The following BCAN variants were observed in gnomAD, a reference collection of about 807,000 sequenced individuals.
BCAN encodes brevican.
A neutral mutation model predicts 92.4 loss-of-function variants in BCAN; 51 were observed. The ratio of observed to expected loss-of-function variants is 0.55; its 90% CI spans 0.44 to 0.70. The LOEUF (loss-of-function observed/expected upper bound fraction) is 0.70, where lower values mean the gene tolerates loss of function less well. Ranked by LOEUF, BCAN falls within the 30% of genes least tolerant of loss-of-function variation. BCAN has a pLI of 0.00. For synonymous variants in BCAN, 501 were observed against 505.2 expected, an observed-to-expected ratio of 0.99 and a Z score of 0.11; for missense variants, 1,140 against 1,212.1, an observed-to-expected ratio of 0.94 and a Z score of 0.88.
At position 156,647,451 on chromosome 1, in the gene BCAN, A is replaced by G; in HGVS notation, c.467-57A>G. On this transcript the variant is annotated intron_variant, in intron 3 of 13. Transcript: ENST00000329117. The surrounding 1 kb of genome is among the most constrained non-coding windows in gnomAD (Gnocchi z 4.8). ...GTACAGAGGAGTGACAAGGAGGGTG[A>G]GGGGAGGCCAGCGTGCTGGGTGCTC... The G allele has an allele frequency of 6.8e-7, 1 of 1,473,142 alleles. No homozygotes were observed. The highest frequency in any genetic ancestry group is 2.3e-5 in the Admixed American group (1 of 44,228). The allele number at this position is 1,473,142 out of a possible 1,614,324, so 91.3% of individuals were successfully genotyped here. A position where few individuals can be genotyped will look rare whatever the true frequency, so the allele number is the denominator to read the frequency against.
intron 10 of BCAN, chr1:156,657,333 C>T (rs1167425567): frequency 9.4e-6 from 6 of 636,884 alleles, no homozygotes; most frequent in Non-Finnish European, 1.5e-5. Context: ...CCTGTGTGGG[C>T]CGGGCCGCCG....
rs1679372333 is a variant in BCAN at position 156,657,408 on chromosome 1, C to A, written c.2210-267C>A. 7.2e-6 allele frequency: 4 copies of A among 553,686 alleles called. No individual in the cohort carries two copies. The South Asian group carries it at 1.0e-4, about 14-fold the overall frequency. The allele number at this position is 553,686 out of a possible 1,614,324, so 34.3% of individuals were successfully genotyped here. ...TCCGACCTCCGTCGGCCTCCTCCAACTCCAACTCCAATCTTGTTGAAAGTT... is the reference window on the plus strand; with the variant it reads ...TCCGACCTCCGTCGGCCTCCTCCAAATCCAACTCCAATCTTGTTGAAAGTT... On this transcript the variant is annotated intron_variant, in intron 10 of 13. Coordinates refer to ENST00000329117, the MANE Select transcript of BCAN (RefSeq NM_021948.5).
Position 156,657,665 on chromosome 1 carries a change from G to T in BCAN, c.2210-10G>T, listed in dbSNP as rs1348523136. On this transcript the variant is annotated splice_polypyrimidine_tract_variant and intron_variant, in intron 10 of 13. Coordinates refer to ENST00000329117, the MANE Select transcript of BCAN (RefSeq NM_021948.5). Reference sequence around the variant, plus strand: ...GCGGCTGCGCTCACTGCACGCCTTCGTCTCCCTAGACCGGTACCGGGAGTA... The same window carrying T: ...GCGGCTGCGCTCACTGCACGCCTTCTTCTCCCTAGACCGGTACCGGGAGTA... The T allele has an allele frequency of 6.3e-7, 1 of 1,599,922 alleles. No homozygotes were observed. The highest frequency in any genetic ancestry group is 2.3e-5 in the East Asian group (1 of 44,332).
Position 156,651,569 on chromosome 1 carries a change from C to T in BCAN, c.1177C>T (p.Pro393Ser). The change falls in exon 7 of 14, where the codon CCT becomes TCT. Residue 393 changes from proline to serine, a missense_variant. Physicochemically the swap from Pro to Ser is moderately conservative, Grantham distance 74. Coordinates refer to ENST00000329117, the MANE Select transcript of BCAN (RefSeq NM_021948.5). The stretch of plus-strand genomic sequence containing the variant: ...AGAGACCCTGGAGGAACTGCAGCTG[C>T]CTCAGGAAGCCACAGAGAGTGAATC... ...VTETLEELQL[P>S]QEATESESRG... is the part of the protein sequence containing the mutation. The T allele has an allele frequency of 6.2e-7, 1 of 1,613,964 alleles. No homozygotes were observed. Among genetic ancestry groups the T allele is most frequent in the Non-Finnish European group, 8.5e-7 (1 of 1,179,996 alleles).
At chr1:156,646,279 A>C in intron 2 of BCAN, 134 bp downstream of exon 2, 1 of 821,502 alleles carries the variant, frequency 1.2e-6, no homozygotes, top group East Asian at 2.7e-5. Flanking sequence ...ACTTGGAAAT[A>C]AGGGCTGAGC....
Position 156,642,225 on chromosome 1 carries a change from G to A in BCAN, c.-59G>A, listed in dbSNP as rs896733024. 5.3e-5 allele frequency: 8 copies of A among 152,334 alleles called. No homozygotes were observed. The highest frequency in any genetic ancestry group is 1.2e-4 in the Non-Finnish European group (8 of 68,136). 9.4% of individuals were successfully genotyped at this position (152,334 alleles called of 1,614,324 possible). On this transcript the variant is annotated 5_prime_UTR_variant, in exon 1 of 14. Transcript: ENST00000329117. The surrounding 1 kb of genome is among the most constrained non-coding windows in gnomAD (Gnocchi z 4.2). ...GCCGTGCACCCGGAGGAGACCCCCG[G>A]AGGAGGCGACAAACTTCGCAGTGCC...
intron 1 of BCAN, among the ~76,000 whole-genome samples, chr1:156,645,234 G>A (rs1406706692): frequency 6.6e-6 from 1 of 152,234 alleles, no homozygotes; most frequent in Non-Finnish European, 1.5e-5. Flanking sequence ...GGGGAAGGGA[G>A]GGGCTGGATA....
rs1019774632 is a variant in BCAN, at chr1:156,646,632, T to C, written c.92-169T>C. ...ACCGTCGGGGTGGTCCTGGAGGACC[T>C]AGAGGTAGGGCTGCAGGACCCTGGC... On this transcript the variant is annotated intron_variant, in intron 2 of 13. Transcript: ENST00000329117. The C allele has an allele frequency of 3.4e-6, 4 of 1,177,910 alleles. No homozygotes were observed. The African/African-American group carries it at 6.4e-5, about 19-fold the overall frequency. The allele number at this position is 1,177,910 out of a possible 1,614,324, so 73.0% of individuals were successfully genotyped here. A position where few individuals can be genotyped will look rare whatever the true frequency, so the allele number is the denominator to read the frequency against.
At position 156,642,353 on chromosome 1, in the gene BCAN, C is replaced by G. The variant is rs992460532; in HGVS notation, c.-9+78C>G. On this transcript the variant is annotated intron_variant, in intron 1 of 13. Coordinates refer to ENST00000329117, the MANE Select transcript of BCAN (RefSeq NM_021948.5). The surrounding 1 kb of genome is among the most constrained non-coding windows in gnomAD (Gnocchi z 4.2). The stretch of plus-strand genomic sequence containing the variant: ...GGGAGTGCCTGCCTGGTCTGCGCCC[C>G]CCGCCTGTCAGCCCTTGCCTCGAGG... 1.3e-5 allele frequency: 2 copies of G among 152,606 alleles called. No homozygotes were observed. The highest frequency in any genetic ancestry group is 4.8e-5 in the African/African-American group (2 of 41,436). The allele number at this position is 152,606 out of a possible 1,614,324, so 9.5% of individuals were successfully genotyped here.
rs1679223481 is a variant in BCAN at position 156,652,891 on chromosome 1, A to G, written c.1941A>G (p.Ser647=). The change falls in exon 8 of 14, where the codon TCA becomes TCG. Residue 647 remains serine (S), a splice_region_variant and synonymous_variant. Coordinates refer to ENST00000329117, the MANE Select transcript of BCAN (RefSeq NM_021948.5). ...GTGGAGTGGCCGTGGTCCCCGCATC[A>G]GGTAATTCTGCCCAAGGCTCAACTG... ...SRGGVAVVPA[S]GDCVPSPCHN... is the part of the protein sequence containing the mutation. 1 of 1,613,496 alleles carries G rather than the reference A, an allele frequency of 6.2e-7. No homozygotes were observed. The highest frequency in any genetic ancestry group is 2.2e-5 in the East Asian group (1 of 44,882).
chr1:156,653,841 A>C (rs919887345), intron 8 of BCAN, among the ~76,000 whole-genome samples: 15 of 152,000 alleles, frequency 9.9e-5, no homozygotes, highest in East Asian at 1.9e-4. Flanking sequence ...CCCGGAGTGC[A>C]TGTGTTGTGC....
At position 156,647,525 on chromosome 1, in the gene BCAN, C is replaced by G; in HGVS notation, c.484C>G (p.Arg162Gly). The change falls in exon 4 of 14, where the codon CGA becomes GGA. Residue 162 changes from arginine (R) to glycine (G), a missense_variant. Transcript: ENST00000329117. This position sits in a 1 kb window ranked among gnomAD's most constrained non-coding sequence, Gnocchi z 4.8. ...CCCCACAGGGGTCGTCTTTCTCTAC[C>G]GAGAGGGCTCTGCCCGCTATGCTTT... ...VKVKGVVFLYREGSARYAFSF... is the reference protein window; with the variant it reads ...VKVKGVVFLYGEGSARYAFSF... 6.3e-7 allele frequency: 1 copy of G among 1,577,280 alleles called. No homozygotes were observed. The highest frequency in any genetic ancestry group is 8.6e-7 in the Non-Finnish European group (1 of 1,164,450).
chr1:156,652,095 A>G (rs1370917644), intron 7 of BCAN, among the ~76,000 whole-genome samples, 153 bp from the exon 8 acceptor site: 1 of 152,148 alleles, frequency 6.6e-6, no homozygotes, highest in Non-Finnish European at 1.5e-5. Flanking sequence ...AAGTTCTTCC[A>G]GTGTGGCGCA....
chr1:156,657,236 C>A (rs1679365664), intron 10 of BCAN, 140 bp downstream of exon 10: 2 of 1,109,646 alleles, frequency 1.8e-6, no homozygotes, highest in Admixed American at 2.6e-5. Flanking sequence ...TTCGTTCACT[C>A]CCCTTCTCAT....
Position 156,642,589 on chromosome 1 carries a change from G to T in BCAN, c.-9+314G>T, listed in dbSNP as rs1326112396. On this transcript the variant is annotated intron_variant, in intron 1 of 13. Transcript: ENST00000329117. This position sits in a 1 kb window ranked among gnomAD's most constrained non-coding sequence, Gnocchi z 4.2. The stretch of plus-strand genomic sequence containing the variant: ...GCTCCTGTCCCAGCGCGGCCGCCGA[G>T]ATTTCCGACCTTGTCCCAGGCAGGG... 1 of 152,396 alleles carries T rather than the reference G, an allele frequency of 6.6e-6. No individual in the cohort carries two copies. The highest frequency in any genetic ancestry group is 2.4e-5 in the African/African-American group (1 of 41,462). The allele number at this position is 152,396 out of a possible 1,614,324, so 9.4% of individuals were successfully genotyped here.
rs771790834 is a variant in BCAN, at chr1:156,657,730, C to G, written c.2265C>G (p.Asp755Glu). 6.2e-7 allele frequency: 1 copy of G among 1,612,698 alleles called. No homozygotes were observed. Among genetic ancestry groups the G allele is most frequent in the Non-Finnish European group, 8.5e-7 (1 of 1,179,458 alleles). The change falls in exon 11 of 14, where the codon GAC becomes GAG. Residue 755 changes from aspartate (D) to glutamate (E), a missense_variant. Coordinates refer to ENST00000329117, the MANE Select transcript of BCAN (RefSeq NM_021948.5). ...TCAACGACAGGACCATCGAAGGCGA[C>G]TTCTTGTGGTCGGATGGCGTCCCCC... is the stretch of plus-strand genomic sequence containing the variant. The part of the protein sequence containing the change: ...IGLNDRTIEG[D>E]FLWSDGVPLL...
intron 6 of BCAN, chr1:156,649,806 C>T (rs895573826): frequency 2.2e-5 from 11 of 508,576 alleles, no homozygotes; most frequent in African/African-American, 1.7e-4. Context: ...AGAGGCATTG[C>T]CATGCGGTGT....
chr1:156,652,710 G>T lies in BCAN; in HGVS notation c.1760G>T (p.Ser587Ile). ...VPRGESEETGSSEGAPSLLPA... is the reference protein window; with the variant it reads ...VPRGESEETGISEGAPSLLPA... ...CGAGGAGAGAGCGAGGAGACAGGAAGCTCCGAGGGTGCCCCTTCCCTGCTT... is the reference window on the plus strand; with the variant it reads ...CGAGGAGAGAGCGAGGAGACAGGAATCTCCGAGGGTGCCCCTTCCCTGCTT... The change falls in exon 8 of 14, where the codon AGC becomes ATC. Residue 587 changes from serine to isoleucine, a missense_variant. By Grantham distance (142) the Ser-to-Ile change is moderately radical. Coordinates refer to ENST00000329117, the MANE Select transcript of BCAN (RefSeq NM_021948.5). 1.2e-6 allele frequency: 2 copies of T among 1,604,898 alleles called. No homozygotes were observed. Among genetic ancestry groups the T allele is most frequent in the Non-Finnish European group, 1.7e-6 (2 of 1,174,018 alleles).
Position 156,647,083 on chromosome 1 carries a change from G to T in BCAN, c.374G>T (p.Ser125Ile). ...ASLTDVSLAL[S>I]ELRPNDSGIY... ...CTCACCGACGTCTCCCTGGCGCTGAGCGAGCTGCGCCCCAACGACTCAGGT... is the reference window on the plus strand; with the variant it reads ...CTCACCGACGTCTCCCTGGCGCTGATCGAGCTGCGCCCCAACGACTCAGGT... The change falls in exon 3 of 14, where the codon AGC (serine) becomes ATC (isoleucine). Residue 125 changes from serine (S) to isoleucine (I), a missense_variant. Around this residue, in one of 3 missense-constraint regions of BCAN, gnomAD observed 286 missense variants for 284.1 expected, o/e 1.01. Transcript: ENST00000329117. The surrounding 1 kb of genome is among the most constrained non-coding windows in gnomAD (Gnocchi z 4.8). 6.2e-7 allele frequency: 1 copy of T among 1,609,400 alleles called. No homozygotes were observed. The highest frequency in any genetic ancestry group is 8.5e-7 in the Non-Finnish European group (1 of 1,176,636).
Sources: gnomAD v4.1 joint callset for allele counts (sites outside exome capture counted in the v4.1 genomes callset) on GRCh38, gnomAD v4.1.1 for gene constraint, gnomAD v4.1.1 regional missense constraint, Gnocchi (gnomAD v3.1) non-coding constraint, MANE v1.5 for transcripts, NCBI Gene and HGNC (gene_info 2026-07-23, HGNC 2026-07-21) for gene names.